FBXO11: variants seen among roughly 807,000 people sequenced by gnomAD.
FBXO11 encodes F-box protein 11.
In FBXO11, 13 loss-of-function variants were observed where a neutral mutation model predicts 117.0. The ratio of observed to expected loss-of-function variants is 0.11; its 90% CI spans 0.07 to 0.18. The LOEUF (loss-of-function observed/expected upper bound fraction) is 0.18. Among genes scored for constraint, FBXO11 ranks in the 10% least tolerant of loss-of-function variants. The pLI, the probability that FBXO11 is intolerant of heterozygous loss-of-function variation, is 1.00. For missense variants in FBXO11, 767 were observed against 1,164.4 expected, an observed-to-expected ratio of 0.66 and a Z score of 4.97; for synonymous variants, 490 against 380.5, an observed-to-expected ratio of 1.29 and a Z score of -3.35.
chr2:47,852,118 T>C (rs1403105660), intron 1 of FBXO11, among the ~76,000 whole-genome samples: 1 of 151,716 alleles, frequency 6.6e-6, no homozygotes, highest in Non-Finnish European at 1.5e-5. Context: ...GCCTCCCGAA[T>C]AGCTGGGATT....
intron 1 of FBXO11, among the ~76,000 whole-genome samples, chr2:47,882,376 T>C (rs867720519): frequency 5.3e-5 from 8 of 152,288 alleles, no homozygotes; most frequent in Middle Eastern, 6.8e-3. Context: ...ATCTTTAAGA[T>C]CTTTCTGGTC....
intron 11 of FBXO11, 28 bp from the exon 12 acceptor site, chr2:47,823,388 G>C: frequency 6.8e-7 from 1 of 1,475,552 alleles, no homozygotes; most frequent in Non-Finnish European, 9.2e-7. Context: ...TAAATCTGTA[G>C]GTAAAGCCTA....
At chr2:47,836,608 G>A (rs1055986220) in intron 4 of FBXO11, among the ~76,000 whole-genome samples, 2 of 151,764 alleles carry the variant, frequency 1.3e-5, no homozygotes, top group African/African-American at 4.8e-5. Context: ...GAGCCACCAT[G>A]CCTGGCCGAA....
At chr2:47,895,522 C>A (rs1400297168) in intron 1 of FBXO11, among the ~76,000 whole-genome samples, 1 of 152,152 alleles carries the variant, frequency 6.6e-6, no homozygotes, top group Non-Finnish European at 1.5e-5. Context: ...AAGGGGGACA[C>A]TTCTGGGATA....
chr2:47,826,115 G>C (rs1042331083), intron 11 of FBXO11, among the ~76,000 whole-genome samples: 40 of 152,100 alleles, frequency 2.6e-4, no homozygotes, highest in Non-Finnish European at 7.4e-5. Flanking sequence ...CTTGAGTGCA[G>C]TGGCACGATC....
At chr2:47,848,017 G>A (rs563585636) in intron 1 of FBXO11, among the ~76,000 whole-genome samples, 32 of 151,654 alleles carry the variant, frequency 2.1e-4, no homozygotes, top group Non-Finnish European at 3.7e-4. Flanking sequence ...CCAGCTACTC[G>A]GGAGGCTGAG....
intron 1 of FBXO11, among the ~76,000 whole-genome samples, chr2:47,846,397 A>G (rs1302820743): frequency 1.3e-5 from 2 of 152,158 alleles, no homozygotes; most frequent in Non-Finnish European, 2.9e-5. Flanking sequence ...AACCTGGAAG[A>G]AGGCGGCTGC....
intron 1 of FBXO11, among the ~76,000 whole-genome samples, chr2:47,901,075 A>C (rs1678229489): frequency 1.5e-5 from 2 of 132,562 alleles, no homozygotes; most frequent in East Asian, 3.3e-4. Flanking sequence ...ATATATATAC[A>C]CACGTGTGTA....
At chr2:47,834,329 G>A (rs1311623561) in intron 7 of FBXO11, among the ~76,000 whole-genome samples, 7 of 151,810 alleles carry the variant, frequency 4.6e-5, no homozygotes, top group African/African-American at 9.7e-5. Context: ...TAGCCTGAGT[G>A]ACATAGCTAG....
Position 47,808,422 on chromosome 2 carries a change from T to A in FBXO11, c.2561A>T (p.His854Leu). 1.3e-6 allele frequency: 2 copies of A among 1,586,298 alleles called. No homozygotes were observed. The highest frequency in any genetic ancestry group is 1.7e-6 in the Non-Finnish European group (2 of 1,170,554). ...ATTTCGATCTGTGGTGTTACAAGTA[T>A]GACATCTAAAAAGCAAAAGCTTAAA... ...SYPMHDFYRC[H>L]TCNTTDRNAI... The change falls in exon 22 of 23, where the codon CAT becomes CTT. Residue 854 changes from histidine to leucine, a missense_variant. Transcript: ENST00000403359.
At chr2:47,858,115 T>C (rs1674456798) in intron 1 of FBXO11, among the ~76,000 whole-genome samples, 1 of 152,100 alleles carries the variant, frequency 6.6e-6, no homozygotes, top group Non-Finnish European at 1.5e-5. Flanking sequence ...GTTTTATTTT[T>C]ATTTTTTTGA....
At chr2:47,883,934 T>C (rs1676623421) in intron 1 of FBXO11, 1 of 155,514 alleles carries the variant, frequency 6.4e-6, no homozygotes, top group Non-Finnish European at 1.4e-5. Flanking sequence ...AATTAATAAA[T>C]TTTTTGGCTG....
intron 1 of FBXO11, among the ~76,000 whole-genome samples, chr2:47,840,156 G>C (rs1309467260): frequency 6.6e-6 from 1 of 151,946 alleles, no homozygotes; most frequent in Non-Finnish European, 1.5e-5. Context: ...TGGTAGCCAG[G>C]ATGGTCTTGA....
chr2:47,822,347 C>G, intron 12 of FBXO11, 44 bp from the exon 13 acceptor site: 1 of 1,296,998 alleles, frequency 7.7e-7, no homozygotes. Context: ...TCTATTCAGC[C>G]AAACTTACTT....
intron 1 of FBXO11, among the ~76,000 whole-genome samples, chr2:47,891,878 A>G (rs1677283454): frequency 6.6e-6 from 1 of 152,134 alleles, no homozygotes; most frequent in Non-Finnish European, 1.5e-5. Context: ...AATGATGTTG[A>G]GTCTTTTTCC....
chr2:47,837,235 G>A (rs1321695633), intron 4 of FBXO11, among the ~76,000 whole-genome samples: 3 of 152,176 alleles, frequency 2.0e-5, no homozygotes, highest in Admixed American at 1.3e-4. Flanking sequence ...TCTCTTAAAT[G>A]TAAGGTGTGG....
chr2:47,856,324 A>G (rs780761820), intron 1 of FBXO11, among the ~76,000 whole-genome samples: 1 of 152,226 alleles, frequency 6.6e-6, no homozygotes, highest in African/African-American at 2.4e-5. Context: ...ACTTGAAGAC[A>G]TATTTCAGCA....
At chr2:47,865,601 T>C (rs149961895) in intron 1 of FBXO11, among the ~76,000 whole-genome samples, 69 of 152,306 alleles carry the variant, frequency 4.5e-4, no homozygotes, top group African/African-American at 1.5e-3. Context: ...TAAACTTCTA[T>C]CTTGTTAAAC....
intron 1 of FBXO11, among the ~76,000 whole-genome samples, chr2:47,877,960 G>A (rs1377821047): frequency 1.3e-5 from 2 of 152,198 alleles, no homozygotes; most frequent in African/African-American, 4.8e-5. Flanking sequence ...TGGGATTACA[G>A]GCGTGAGCCA....
Sources: gnomAD v4.1 joint callset for allele counts (sites outside exome capture counted in the v4.1 genomes callset) on GRCh38, gnomAD v4.1.1 for gene constraint, MANE v1.5 for transcripts, NCBI Gene and HGNC (gene_info 2026-07-23, HGNC 2026-07-21) for gene names.